Variants in HSD3B2 observed in about 807,000 individuals in gnomAD.
The protein encoded by HSD3B2 is hydroxy-delta-5-steroid dehydrogenase, 3 beta- and steroid delta-isomerase 2.
HSD3B2 carries 8 observed loss-of-function variants against 9.9 expected under a neutral mutation model. That is an observed-to-expected ratio of 0.81 (90% CI 0.47 to 1.46). The LOEUF (loss-of-function observed/expected upper bound fraction) is 1.46, where lower values mean the gene tolerates loss of function less well. Ranked by LOEUF, HSD3B2 falls within the 40% of genes most tolerant of loss-of-function variation. The pLI is 0.00. For synonymous variants in HSD3B2, 221 were observed against 184.5 expected, an observed-to-expected ratio of 1.20 and a Z score of -1.60; for missense variants, 410 against 448.3, an observed-to-expected ratio of 0.91 and a Z score of 0.77.
intron 2 of HSD3B2, among the ~76,000 whole-genome samples, chr1:119,415,811 T>C (rs1283253683): frequency 6.6e-6 from 1 of 152,220 alleles, no homozygotes; most frequent in African/African-American, 2.4e-5. Flanking sequence ...AGGCCCCTTT[T>C]CTTCTCTTCT....
intron 3 of HSD3B2, among the ~76,000 whole-genome samples, chr1:119,421,402 T>C (rs993946308): frequency 9.9e-5 from 8 of 80,560 alleles, no homozygotes; most frequent in Non-Finnish European, 1.1e-4. Context: ...TATATATATA[T>C]GTATATATAT....
chr1:119,419,718 C>T, intron 3 of HSD3B2, 136 bp downstream of exon 3: 2 of 850,240 alleles, frequency 2.4e-6, no homozygotes, highest in Non-Finnish European at 3.8e-6. Flanking sequence ...TCACTACTGA[C>T]TGGGGAGTTC....
At chr1:119,419,047 C>T (rs1651788525) in intron 2 of HSD3B2, among the ~76,000 whole-genome samples, 1 of 152,158 alleles carries the variant, frequency 6.6e-6, no homozygotes, top group Non-Finnish European at 1.5e-5. Context: ...TCATCGCCTA[C>T]AGAATTAAAT....
At chr1:119,419,049 G>A (rs1651788625) in intron 2 of HSD3B2, among the ~76,000 whole-genome samples, 1 of 152,038 alleles carries the variant, frequency 6.6e-6, no homozygotes, top group African/African-American at 2.4e-5. Context: ...ATCGCCTACA[G>A]AATTAAATTC....
Position 119,422,964 on chromosome 1 carries a change from T to C in HSD3B2, c.*344T>C, listed in dbSNP as rs1449112369. 1.1e-5 allele frequency: 5 copies of C among 439,958 alleles called. No homozygotes were observed. Among genetic ancestry groups the C allele is most frequent in the African/African-American group, 2.0e-5 (1 of 51,082 alleles). The allele number at this position is 439,958 out of a possible 1,614,324, so 27.3% of individuals were successfully genotyped here. On this transcript the variant is annotated 3_prime_UTR_variant, in exon 4 of 4. Coordinates refer to ENST00000369416, the MANE Select transcript of HSD3B2 (RefSeq NM_000198.4). ...CTCTTAAATGAGAAAGCATTTCTTT[T>C]CTCTTTAATCTCCTATTCCTTCACA...
In HSD3B2 at chr1:119,422,111, G is replaced by T. The variant is rs1651898486; in HGVS notation, c.610G>T (p.Ala204Ser). The change falls in exon 4 of 4, where the codon GCC (alanine) becomes TCC (serine). Residue 204 changes from alanine to serine, a missense_variant. Physicochemically the swap from Ala to Ser is moderately conservative, Grantham distance 99 (BLOSUM62 1). Transcript: ENST00000369416. The part of the protein sequence containing the change: ...GPFLSASINE[A>S]LNNNGILSSV... ...ATTCCTTTCTGCCAGTATAAATGAG[G>T]CCCTGAACAACAATGGGATCCTGTC... The T allele has an allele frequency of 6.2e-7, 1 of 1,613,922 alleles. No homozygotes were observed. The highest frequency in any genetic ancestry group is 1.7e-5 in the Admixed American group (1 of 59,996).
chr1:119,418,103 C>T (rs587609990), intron 2 of HSD3B2, among the ~76,000 whole-genome samples: 7 of 152,282 alleles, frequency 4.6e-5, no homozygotes, highest in African/African-American at 1.7e-4. Flanking sequence ...ACAACTTTAC[C>T]GGCAGCGTCA....
chr1:119,422,050 GT>G lies in HSD3B2; in HGVS notation c.551del (p.Leu184Ter), dbSNP rs1570822744. 1.2e-6 allele frequency: 2 copies of G among 1,614,102 alleles called. No homozygotes were observed. Among genetic ancestry groups the G allele is most frequent in the Non-Finnish European group, 1.7e-6 (2 of 1,179,996 alleles). On this transcript the variant is annotated frameshift_variant, in exon 4 of 4. Coordinates refer to ENST00000369416, the MANE Select transcript of HSD3B2 (RefSeq NM_000198.4). LOFTEE classifies it low-confidence loss of function (END_TRUNC). ...KNGDTLYTCA[L>X]RPTYIYGEGG... ...ATGGTGATACCTTGTACACTTGTGC[GT>G]TAAGACCCACATATATCTATGGGGA...
Position 119,422,425 on chromosome 1 carries a change from C to T in HSD3B2, c.924C>T (p.Tyr308=), listed in dbSNP as rs587775183. 1.5e-5 allele frequency: 25 copies of T among 1,614,120 alleles called. No individual in the cohort carries two copies. Among genetic ancestry groups the T allele is most frequent in the South Asian group, 1.1e-4 (10 of 91,084 alleles). The part of the protein sequence containing the change: ...EVVSFLLSPI[Y]SYQPPFNRHT... ...TGAGCTTCCTACTCAGCCCAATTTA[C>T]TCCTATCAACCCCCCTTCAACCGCC... Residue 308 remains tyrosine, a synonymous_variant, in exon 4 of 4, where the codon TAC becomes TAT. Transcript: ENST00000369416.
intron 2 of HSD3B2, among the ~76,000 whole-genome samples, chr1:119,416,681 C>T (rs1651721955): frequency 1.3e-5 from 2 of 152,178 alleles, no homozygotes; most frequent in Admixed American, 1.3e-4. Context: ...GTTCTGGCTG[C>T]CTAGAAGGTC....
chr1:119,421,285 G>T (rs1651848320), intron 3 of HSD3B2, among the ~76,000 whole-genome samples: 1 of 150,184 alleles, frequency 6.7e-6, no homozygotes, highest in Non-Finnish European at 1.5e-5. Flanking sequence ...GTCTTTAATT[G>T]TATTGATGAC....
intron 2 of HSD3B2, among the ~76,000 whole-genome samples, chr1:119,416,552 C>G (rs761120037): frequency 6.6e-6 from 1 of 152,150 alleles, no homozygotes; most frequent in Non-Finnish European, 1.5e-5. Context: ...ACTTGACCCC[C>G]GGGCTAATCC....
intron 2 of HSD3B2, 129 bp from the exon 3 acceptor site, chr1:119,419,289 T>C (rs763072590): frequency 1.2e-6 from 1 of 822,024 alleles, no homozygotes; most frequent in East Asian, 2.6e-5. Flanking sequence ...TTTTATGGAA[T>C]GTAGTACACC....
At chr1:119,419,309 A>G (rs912237814) in intron 2 of HSD3B2, 109 bp from the exon 3 acceptor site, 12 of 1,014,646 alleles carry the variant, frequency 1.2e-5, no homozygotes, top group Non-Finnish European at 1.7e-5. Flanking sequence ...CCTCCACTCT[A>G]ATACCCACAC....
intron 3 of HSD3B2, 59 bp from the exon 4 acceptor site, chr1:119,421,750 T>G (rs1329110069): frequency 8.8e-6 from 14 of 1,586,382 alleles, no homozygotes; most frequent in Middle Eastern, 1.8e-4. Context: ...GATCTGTGCA[T>G]GTGGTTGCAG....
Position 119,422,118 on chromosome 1 carries a change from A to G in HSD3B2, c.617A>G (p.Asn206Ser). 2 of 1,614,104 alleles carry G rather than the reference A, an allele frequency of 1.2e-6. No individual in the cohort carries two copies. Among genetic ancestry groups the G allele is most frequent in the Non-Finnish European group, 1.7e-6 (2 of 1,179,996 alleles). The change falls in exon 4 of 4, where the codon AAC (asparagine) becomes AGC (serine). Residue 206 changes from asparagine to serine, a missense_variant. Transcript: ENST00000369416. ...TCTGCCAGTATAAATGAGGCCCTGA[A>G]CAACAATGGGATCCTGTCAAGTGTT... ...FLSASINEAL[N>S]NNGILSSVGK...
At chr1:119,418,674 CAG>C (rs1241992759) in intron 2 of HSD3B2, among the ~76,000 whole-genome samples, 1 of 149,824 alleles carries the variant, frequency 6.7e-6, no homozygotes, top group Non-Finnish European at 1.5e-5. Flanking sequence ...TATTTTGAGA[CAG>C]GGTCTTTCTC....
chr1:119,415,624 T>A, intron 2 of HSD3B2, 63 bp downstream of exon 2: 2 of 1,568,502 alleles, frequency 1.3e-6, no homozygotes, highest in South Asian at 2.2e-5. Flanking sequence ...TGTGGGGAGG[T>A]TGACCTTGTC....
intron 3 of HSD3B2, among the ~76,000 whole-genome samples, chr1:119,421,035 C>T (rs1651841973): frequency 6.6e-6 from 1 of 152,168 alleles, no homozygotes; most frequent in African/African-American, 2.4e-5. Context: ...TCCCCACAAC[C>T]CACTGTTTGC....
Sources: allele counts gnomAD v4.1 joint callset (sites outside exome capture counted in the v4.1 genomes callset), GRCh38; gene constraint gnomAD v4.1.1; transcripts MANE v1.5; gene names NCBI Gene and HGNC (gene_info 2026-07-23, HGNC 2026-07-21).